The following MS4A8 variants were observed in gnomAD, a reference collection of about 807,000 sequenced individuals.
The protein encoded by MS4A8 is membrane-spanning 4-domains subfamily A member 8.
In MS4A8, 27 loss-of-function variants were observed where a neutral mutation model predicts 23.7. That is an observed-to-expected ratio of 1.14 (90% CI 0.84 to 1.57). The LOEUF is 1.57. Ranked by LOEUF, MS4A8 falls within the 40% of genes most tolerant of loss-of-function variation. MS4A8 has a pLI of 0.00. For missense variants in MS4A8, 301 were observed against 311.4 expected (o/e 0.97, Z 0.25); for synonymous variants, 138 against 126.3 (o/e 1.09, Z -0.62).
At chr11:60,704,851 TACAAACAA>T (rs3044422) in intron 3 of MS4A8, among the ~76,000 whole-genome samples, 19 of 146,540 alleles carry the variant, frequency 1.3e-4, no homozygotes, top group Non-Finnish European at 1.9e-4. Context: ...CACACACACA[TACAAACAA>T]ACACACATAC....
At chr11:60,715,219 C>A in intron 6 of MS4A8, 85 bp downstream of exon 6, 1 of 1,492,076 alleles carries the variant, frequency 6.7e-7, no homozygotes, top group Non-Finnish European at 9.4e-7. Context: ...CCACTGCCTG[C>A]TCAGGAGCAG....
chr11:60,710,958 A>T (rs902538909), intron 5 of MS4A8, among the ~76,000 whole-genome samples: 2 of 151,978 alleles, frequency 1.3e-5, no homozygotes, highest in African/African-American at 4.8e-5. Flanking sequence ...CAGATCACTA[A>T]TCTGCAACCA....
intron 3 of MS4A8, among the ~76,000 whole-genome samples, chr11:60,706,034 G>C (rs778354196): frequency 1.3e-5 from 2 of 152,116 alleles, no homozygotes; most frequent in Admixed American, 1.3e-4. Flanking sequence ...GTTGCTAGTC[G>C]GTACGTGGCT....
Position 60,715,578 on chromosome 11 carries a change from T to C in MS4A8, c.*164T>C, listed in dbSNP as rs2088337464. 1 of 609,576 alleles carries C rather than the reference T, an allele frequency of 1.6e-6. No individual in the cohort carries two copies. The highest frequency in any genetic ancestry group is 1.9e-5 in the African/African-American group (1 of 53,876). The allele number at this position is 609,576 out of a possible 1,614,324, so 37.8% of individuals were successfully genotyped here. A position where few individuals can be genotyped will look rare whatever the true frequency, so the allele number is the denominator to read the frequency against. On this transcript the variant is annotated 3_prime_UTR_variant, in exon 7 of 7. Transcript: ENST00000300226. ...TTCAATTCAGTCTAGGAAACCATGC[T>C]GTTTCTCTATCAAGAAGAAGACAGA...
At chr11:60,707,812 C>CTTTTTT (rs5792195) in intron 4 of MS4A8, among the ~76,000 whole-genome samples, 839 of 55,192 alleles carry the variant, frequency 0.015, no homozygotes, top group Middle Eastern at 0.061. Context: ...TTTTCTTTTT[C>CTTTTTT]TTTTTTTTTT....
At chr11:60,708,934 C>T in intron 5 of MS4A8, 153 bp downstream of exon 5, 1 of 868,874 alleles carries the variant, frequency 1.2e-6, no homozygotes, top group Non-Finnish European at 1.8e-6. Flanking sequence ...AGTCCTTGAC[C>T]CATAGCTTTA....
rs1319513552 is a variant in MS4A8, at chr11:60,708,748, C to G, written c.501C>G (p.Ala167=). 1.9e-6 allele frequency: 3 copies of G among 1,613,892 alleles called. No homozygotes were observed. The highest frequency in any genetic ancestry group is 2.5e-6 in the Non-Finnish European group (3 of 1,179,944). ...ITDLSIPHPY[A]YPDYYPYAWG... Reference sequence around the variant, plus strand: ...ATCTAAGTATTCCCCACCCATATGCCTACCCCGACTATTATCCTTACGCCT... The same window carrying G: ...ATCTAAGTATTCCCCACCCATATGCGTACCCCGACTATTATCCTTACGCCT... The change falls in exon 5 of 7, where the codon GCC becomes GCG. Residue 167 remains alanine (A), a synonymous_variant. Transcript: ENST00000300226.
Position 60,715,598 on chromosome 11 carries a change from G to A in MS4A8, c.*184G>A, listed in dbSNP as rs1391379083. On this transcript the variant is annotated 3_prime_UTR_variant, in exon 7 of 7. Transcript: ENST00000300226. ...CATGCTGTTTCTCTATCAAGAAGAA[G>A]ACAGAGATTTTAAACAGATGTTAAC... is the stretch of plus-strand genomic sequence containing the variant. The A allele has an allele frequency of 1.7e-6, 1 of 592,154 alleles. No individual in the cohort carries two copies. The highest frequency in any genetic ancestry group is 3.0e-6 in the Non-Finnish European group (1 of 334,736). The allele number at this position is 592,154 out of a possible 1,614,324, so 36.7% of individuals were successfully genotyped here.
At chr11:60,707,695 A>T (rs2088268142) in intron 4 of MS4A8, among the ~76,000 whole-genome samples, 1 of 152,188 alleles carries the variant, frequency 6.6e-6, no homozygotes, top group Admixed American at 6.5e-5. Context: ...ATGGCCCAGA[A>T]TCATGGAGCA....
In MS4A8 at chr11:60,703,171, G is replaced by A. The variant is rs930681368; in HGVS notation, c.220-207G>A. 6 of 463,896 alleles carry A rather than the reference G, an allele frequency of 1.3e-5. No individual in the cohort carries two copies. In the South Asian group the frequency reaches 2.3e-4, roughly 18 times the overall value. The allele number at this position is 463,896 out of a possible 1,614,324, so 28.7% of individuals were successfully genotyped here. Reference sequence around the variant, plus strand: ...TGCTATCAAGGTATATATTTGAAAAGAATAATGGGAGAATACACCAAAATG... The same window carrying A: ...TGCTATCAAGGTATATATTTGAAAAAAATAATGGGAGAATACACCAAAATG... On this transcript the variant is annotated intron_variant, in intron 2 of 6. Coordinates refer to ENST00000300226, the MANE Select transcript of MS4A8 (RefSeq NM_031457.2).
intron 3 of MS4A8, among the ~76,000 whole-genome samples, chr11:60,705,612 A>G (rs2088249572): frequency 6.6e-6 from 1 of 152,244 alleles, no homozygotes; most frequent in African/African-American, 2.4e-5. Flanking sequence ...TCAAATCTCT[A>G]TAAACAGAAG....
In MS4A8 at chr11:60,699,775, G is replaced by C. The variant is rs899168946; in HGVS notation, c.-2G>C. 5 of 152,328 alleles carry C rather than the reference G, an allele frequency of 3.3e-5. No individual in the cohort carries two copies. Among genetic ancestry groups the C allele is most frequent in the African/African-American group, 1.2e-4 (5 of 41,442 alleles). The allele number at this position is 152,328 out of a possible 1,614,324, so 9.4% of individuals were successfully genotyped here. On this transcript the variant is annotated splice_region_variant and 5_prime_UTR_variant, in exon 1 of 7. Coordinates refer to ENST00000300226, the MANE Select transcript of MS4A8 (RefSeq NM_031457.2). Reference sequence around the variant, plus strand: ...AGATACGTGGCTGCTGGCAGAGCAAGGTGAGTCTGCTTAATCTGGTGGTTG... The same window carrying C: ...AGATACGTGGCTGCTGGCAGAGCAACGTGAGTCTGCTTAATCTGGTGGTTG...
chr11:60,712,946 G>A (rs563752729), intron 5 of MS4A8, among the ~76,000 whole-genome samples: 2 of 152,208 alleles, frequency 1.3e-5, no homozygotes, highest in Admixed American at 6.5e-5. Context: ...ATTGAAACTC[G>A]CTTCCCAGAT....
chr11:60,713,356 T>G (rs1035908228), intron 5 of MS4A8, among the ~76,000 whole-genome samples: 1 of 151,798 alleles, frequency 6.6e-6, no homozygotes, highest in Non-Finnish European at 1.5e-5. Flanking sequence ...CTGAGTTCCC[T>G]TAGTATTTAT....
chr11:60,703,426 A>G lies in MS4A8; in HGVS notation c.268A>G (p.Met90Val), dbSNP rs976789781. 1.8e-5 allele frequency: 29 copies of G among 1,604,384 alleles called. No individual in the cohort carries two copies. The highest frequency in any genetic ancestry group is 2.3e-5 in the Non-Finnish European group (27 of 1,176,186). ...GGCTCACATCGGCCTCGGCTCCATCATGGCGACGGTTCTCGTAGGGGAATA... is the reference window on the plus strand; with the variant it reads ...GGCTCACATCGGCCTCGGCTCCATCGTGGCGACGGTTCTCGTAGGGGAATA... ...GLAHIGLGSI[M>V]ATVLVGEYLS... The change falls in exon 3 of 7, where the codon ATG becomes GTG. Residue 90 changes from methionine (M) to valine (V), a missense_variant. By Grantham distance (21) the Met-to-Val change is conservative. Transcript: ENST00000300226.
intron 4 of MS4A8, among the ~76,000 whole-genome samples, 199 bp from the exon 5 acceptor site, chr11:60,708,451 A>G (rs2088275578): frequency 6.6e-6 from 1 of 152,216 alleles, no homozygotes; most frequent in African/African-American, 2.4e-5. Context: ...GATGGTGGCA[A>G]TGGTTGCACA....
intron 5 of MS4A8, among the ~76,000 whole-genome samples, chr11:60,714,219 C>T (rs866644563): frequency 1.3e-4 from 18 of 141,000 alleles, no homozygotes; most frequent in Middle Eastern, 3.5e-3. Context: ...CCACCGCGCC[C>T]GGCCGGTGAT....
chr11:60,708,753 C>G lies in MS4A8; in HGVS notation c.506C>G (p.Pro169Arg). The change falls in exon 5 of 7, where the codon CCC (proline) becomes CGC (arginine). Residue 169 changes from proline (P) to arginine (R), a missense_variant. Physicochemically the swap from Pro to Arg is moderately radical, Grantham distance 103. Transcript: ENST00000300226. ...DLSIPHPYAY[P>R]DYYPYAWGVN... The stretch of plus-strand genomic sequence containing the variant: ...AGTATTCCCCACCCATATGCCTACC[C>G]CGACTATTATCCTTACGCCTGGGGT... 6.2e-7 allele frequency: 1 copy of G among 1,614,030 alleles called. No individual in the cohort carries two copies. The highest frequency in any genetic ancestry group is 8.5e-7 in the Non-Finnish European group (1 of 1,179,940).
intron 3 of MS4A8, among the ~76,000 whole-genome samples, chr11:60,704,465 T>TA (rs2088235584): frequency 1.3e-5 from 2 of 152,068 alleles, no homozygotes; most frequent in South Asian, 4.2e-4. Context: ...CATCCACATG[T>TA]AAAAAATACA....
Sources: gnomAD v4.1 joint callset for allele counts (sites outside exome capture counted in the v4.1 genomes callset) on GRCh38, gnomAD v4.1.1 for gene constraint, MANE v1.5 for transcripts, NCBI Gene and HGNC (gene_info 2026-07-23, HGNC 2026-07-21) for gene names.